Variants in PCCB observed in about 807,000 individuals in gnomAD.
PCCB encodes the protein propionyl-CoA carboxylase subunit beta.
In PCCB, 43 loss-of-function variants were observed where a neutral mutation model predicts 60.7. That is an observed-to-expected ratio of 0.71 (90% CI 0.55 to 0.91). The LOEUF is 0.91. Among genes scored for constraint, PCCB ranks in the 40% least tolerant of loss-of-function variants. PCCB has a pLI of 0.00. For missense variants in PCCB, 766 were observed against 702.8 expected (o/e 1.09, Z -1.02); for synonymous variants, 276 against 255.9 (o/e 1.08, Z -0.75).
chr3:136,312,682 G>C (rs1436221929), intron 9 of PCCB, among the ~76,000 whole-genome samples: 3 of 152,162 alleles, frequency 2.0e-5, no homozygotes, highest in African/African-American at 7.2e-5. Flanking sequence ...GAATTCCTCT[G>C]AAACCTTAGG....
chr3:136,320,578 G>C (rs572443949), intron 10 of PCCB, among the ~76,000 whole-genome samples: 96 of 152,212 alleles, frequency 6.3e-4, no homozygotes, highest in African/African-American at 2.3e-3. Flanking sequence ...TATTAACTTT[G>C]TTAGCTTTTG....
chr3:136,264,440 G>GTGTATATATATATATA, intron 5 of PCCB, among the ~76,000 whole-genome samples: 3,852 of 123,424 alleles, frequency 0.031, 339 homozygotes, highest in African/African-American at 0.1. Flanking sequence ...ATGTGTGTGT[G>GTGTATATATATATATA]TATATATGTA....
chr3:136,260,679 C>T (rs1026897684), intron 4 of PCCB, 144 bp downstream of exon 4: 5 of 720,262 alleles, frequency 6.9e-6, no homozygotes, highest in Admixed American at 4.3e-5. Context: ...CGAAGGGGTG[C>T]ATAACAATTT....
Position 136,274,913 on chromosome 3 carries a change from C to T in PCCB, c.544-8924C>T, listed in dbSNP as rs375037236. ...GTGACCTTTGTCTCCTGGGCTCAGG[C>T]AATCCTCACACCTCTGCCTCCTGAG... On this transcript the variant is annotated intron_variant, in intron 5 of 14. Transcript: ENST00000251654. 1.1e-4 allele frequency among the ~76,000 whole-genome samples: 17 copies of T among 151,834 alleles called. No individual in the cohort carries two copies. In the East Asian group the frequency reaches 1.7e-3, roughly 16 times the overall value.
In PCCB at chr3:136,304,098, C is replaced by T. The variant is rs191651322; in HGVS notation, c.966+2987C>T. ...GGACTACACTCTTGCTGTGTCCTCA[C>T]GAGGTCTTTGCTCTCAGTGCATGCA... On this transcript the variant is annotated intron_variant, in intron 9 of 14. Coordinates refer to ENST00000251654, the MANE Select transcript of PCCB (RefSeq NM_000532.5). Among the ~76,000 whole-genome samples, 4 of 119,772 alleles carry T rather than the reference C, an allele frequency of 3.3e-5. 1 individual carries two copies. The highest frequency in any genetic ancestry group is 7.4e-5 in the Non-Finnish European group (4 of 54,134). 78.6% of individuals were successfully genotyped at this position (119,772 alleles called of 152,430 possible).
intron 5 of PCCB, among the ~76,000 whole-genome samples, chr3:136,273,904 T>G (rs1001023071): frequency 2.2e-5 from 2 of 92,396 alleles, no homozygotes; most frequent in Admixed American, 3.0e-4. Flanking sequence ...AGAGGGAGAC[T>G]CTGTCTCAAA....
intron 10 of PCCB, among the ~76,000 whole-genome samples, chr3:136,324,461 C>T (rs1036610473): frequency 2.0e-5 from 3 of 152,148 alleles, no homozygotes; most frequent in African/African-American, 7.2e-5. Flanking sequence ...TTTTCATTTT[C>T]ATTCAACTTC....
intron 9 of PCCB, among the ~76,000 whole-genome samples, chr3:136,301,867 C>T (rs1934298077): frequency 6.6e-6 from 1 of 152,146 alleles, no homozygotes; most frequent in Non-Finnish European, 1.5e-5. Flanking sequence ...TGAGCCTTTG[C>T]AGGGGCACGT....
At chr3:136,309,222 C>T (rs1435587509) in intron 9 of PCCB, among the ~76,000 whole-genome samples, 1 of 145,272 alleles carries the variant, frequency 6.9e-6, no homozygotes. Flanking sequence ...CAGATCGTGC[C>T]ACTGCACTCC....
At chr3:136,287,509 T>G (rs1164181645) in intron 6 of PCCB, among the ~76,000 whole-genome samples, 1 of 152,002 alleles carries the variant, frequency 6.6e-6, no homozygotes, top group Non-Finnish European at 1.5e-5. Context: ...CTCACCTCAC[T>G]GGAACCTTTG....
chr3:136,327,134 G>C (rs1310567167), intron 11 of PCCB, 21 bp from the exon 12 acceptor site: 3 of 1,608,760 alleles, frequency 1.9e-6, no homozygotes, highest in Non-Finnish European at 2.6e-6. Context: ...TGGGTATCTA[G>C]TAACTCTTCC....
intron 9 of PCCB, 41 bp downstream of exon 9, chr3:136,301,152 C>G: frequency 6.7e-7 from 1 of 1,488,082 alleles, no homozygotes; most frequent in Non-Finnish European, 9.4e-7. Context: ...CCTAGTCAGC[C>G]ACATTCATGG....
chr3:136,261,250 A>G (rs968666779), intron 4 of PCCB, among the ~76,000 whole-genome samples: 18 of 152,160 alleles, frequency 1.2e-4, no homozygotes, highest in African/African-American at 4.3e-4. Context: ...TAAAACTATA[A>G]ATAATAGAGA....
intron 6 of PCCB, among the ~76,000 whole-genome samples, chr3:136,288,925 C>T (rs888874192): frequency 6.6e-6 from 1 of 152,186 alleles, no homozygotes; most frequent in Non-Finnish European, 1.5e-5. Flanking sequence ...ACCTTAGCCT[C>T]CTGAGTAGCT....
chr3:136,265,985 C>T (rs377547199), intron 5 of PCCB, among the ~76,000 whole-genome samples: 2 of 151,878 alleles, frequency 1.3e-5, no homozygotes, highest in African/African-American at 4.8e-5. Flanking sequence ...GCCATCACGC[C>T]CGGCTAATTT....
At chr3:136,313,741 A>T (rs1290701745) in intron 9 of PCCB, among the ~76,000 whole-genome samples, 1 of 152,210 alleles carries the variant, frequency 6.6e-6, no homozygotes. Flanking sequence ...TTGACTATAT[A>T]CCTTTAATCT....
chr3:136,303,510 T>C (rs1206774054), intron 9 of PCCB, among the ~76,000 whole-genome samples: 6 of 122,904 alleles, frequency 4.9e-5, no homozygotes, highest in South Asian at 3.1e-4. Flanking sequence ...AGTTTCTGCA[T>C]TGATATTATG....
intron 5 of PCCB, among the ~76,000 whole-genome samples, chr3:136,268,125 T>C (rs1205755417): frequency 1.4e-5 from 2 of 138,218 alleles, no homozygotes; most frequent in African/African-American, 2.7e-5. Flanking sequence ...TATATATGTA[T>C]ATATATATAT....
intron 11 of PCCB, 44 bp downstream of exon 11, chr3:136,326,954 A>G (rs1202008215): frequency 4.6e-6 from 6 of 1,315,850 alleles, no homozygotes; most frequent in South Asian, 2.3e-5. Context: ...TGCCTTTCCC[A>G]GTAAGGTGCC....
Sources: gnomAD v4.1 joint callset for allele counts (sites outside exome capture counted in the v4.1 genomes callset) on GRCh38, gnomAD v4.1.1 for gene constraint, MANE v1.5 for transcripts, NCBI Gene and HGNC (gene_info 2026-07-23, HGNC 2026-07-21) for gene names.